Variants in MYO16 observed in about 807,000 individuals in gnomAD.
The protein encoded by MYO16 is myosin XVI.
A neutral mutation model predicts 205.3 loss-of-function variants in MYO16; 94 were observed. The observed-to-expected ratio is 0.46, with a 90% confidence interval of 0.39 to 0.54. The LOEUF (loss-of-function observed/expected upper bound fraction) is 0.54. Among genes scored for constraint, MYO16 ranks in the 20% least tolerant of loss-of-function variants. The probability of loss-of-function intolerance (pLI) is 0.00; values close to 1 mark genes in which losing one functional copy is unlikely to be tolerated. For synonymous variants in MYO16, 988 were observed against 954.0 expected (o/e 1.04, Z -0.66); for missense variants, 2,315 against 2,387.5 (o/e 0.97, Z 0.63).
intron 16 of MYO16, among the ~76,000 whole-genome samples, chr13:108,941,744 A>G (rs1477132474): frequency 6.6e-6 from 1 of 151,580 alleles, no homozygotes; most frequent in African/African-American, 2.4e-5. Context: ...GAAAATGGCT[A>G]TGGATGTCCA....
At chr13:109,170,502 CTTTAT>C (rs912220042) in intron 33 of MYO16, among the ~76,000 whole-genome samples, 1 of 151,194 alleles carries the variant, frequency 6.6e-6, no homozygotes, top group African/African-American at 2.4e-5. Context: ...TGTTCTATTT[CTTTAT>C]TTTATTTGTG....
At chr13:108,873,899 G>A (rs1190716118) in intron 12 of MYO16, among the ~76,000 whole-genome samples, 1 of 152,250 alleles carries the variant, frequency 6.6e-6, no homozygotes, top group Non-Finnish European at 1.5e-5. Context: ...AGGGGAGAAA[G>A]AGAAAATAGA....
At chr13:109,030,019 C>G (rs1387323965) in intron 23 of MYO16, among the ~76,000 whole-genome samples, 1 of 152,100 alleles carries the variant, frequency 6.6e-6, no homozygotes, top group Non-Finnish European at 1.5e-5. Flanking sequence ...GAGGCACATT[C>G]ATAAATTTCA....
intron 20 of MYO16, among the ~76,000 whole-genome samples, chr13:108,981,785 T>C (rs990257913): frequency 2.0e-5 from 3 of 152,260 alleles, no homozygotes; most frequent in Admixed American, 1.3e-4. Flanking sequence ...TCTAGAAACA[T>C]TGACTTGCTA....
At chr13:108,674,055 A>G (rs913388070) in intron 2 of MYO16, among the ~76,000 whole-genome samples, 1 of 152,168 alleles carries the variant, frequency 6.6e-6, no homozygotes, top group Non-Finnish European at 1.5e-5. Flanking sequence ...TATGTCGATG[A>G]TCAATATACA....
chr13:108,958,412 T>G (rs1207361631), intron 17 of MYO16, among the ~76,000 whole-genome samples: 1 of 151,988 alleles, frequency 6.6e-6, no homozygotes. Context: ...ACAATATAAA[T>G]GTTTTAATAT....
intron 3 of MYO16, among the ~76,000 whole-genome samples, chr13:108,718,374 C>A (rs1332643968): frequency 6.6e-6 from 1 of 152,028 alleles, no homozygotes; most frequent in African/African-American, 2.4e-5. Flanking sequence ...AGGGCAGACT[C>A]TAGCAAGAAC....
chr13:109,206,274 G>A (rs919596046), intron 34 of MYO16, among the ~76,000 whole-genome samples: 9 of 152,168 alleles, frequency 5.9e-5, no homozygotes, highest in African/African-American at 2.2e-4. Flanking sequence ...ATTAAATGAA[G>A]AGAAAGTACA....
chr13:109,076,351 A>G (rs1489205382), intron 27 of MYO16, among the ~76,000 whole-genome samples: 1 of 152,174 alleles, frequency 6.6e-6, no homozygotes, highest in Admixed American at 6.6e-5. Context: ...GATTAGTGAT[A>G]GGAAATCTTT....
At chr13:109,076,017 G>T (rs530337630) in intron 27 of MYO16, among the ~76,000 whole-genome samples, 155 of 152,270 alleles carry the variant, frequency 1.0e-3, no homozygotes, top group African/African-American at 3.7e-3. Flanking sequence ...TAGTTTCTGA[G>T]GAATTGGTCT....
chr13:108,922,009 T>C (rs1881765273), intron 16 of MYO16, among the ~76,000 whole-genome samples: 1 of 152,148 alleles, frequency 6.6e-6, no homozygotes, highest in Non-Finnish European at 1.5e-5. Flanking sequence ...AAAGTTATGA[T>C]TTGGAGTTAG....
At chr13:109,035,162 A>AT (rs34844662) in intron 23 of MYO16, among the ~76,000 whole-genome samples, 57,477 of 151,894 alleles carry the variant, frequency 0.38, 11,764 homozygotes, top group East Asian at 0.83. Context: ...ATAACCAGGG[A>AT]TTTTTGAAAA....
chr13:108,721,257 C>G (rs982711922), intron 3 of MYO16, among the ~76,000 whole-genome samples: 1 of 152,170 alleles, frequency 6.6e-6, no homozygotes, highest in Non-Finnish European at 1.5e-5. Context: ...TTGAGGAAGG[C>G]CTTGCTCTCT....
intron 14 of MYO16, among the ~76,000 whole-genome samples, chr13:108,897,775 T>C (rs988019250): frequency 5.9e-5 from 9 of 152,040 alleles, no homozygotes; most frequent in Non-Finnish European, 1.0e-4. Flanking sequence ...TGCAGGAGAG[T>C]GCAGTGTCGT....
chr13:108,675,894 A>G (rs1172758110), intron 2 of MYO16, among the ~76,000 whole-genome samples: 1 of 152,214 alleles, frequency 6.6e-6, no homozygotes, highest in Non-Finnish European at 1.5e-5. Context: ...GTCCCCGGCC[A>G]GGGCACTTTC....
chr13:108,613,644 G>T (rs1879252548), intron 1 of MYO16, among the ~76,000 whole-genome samples: 1 of 152,018 alleles, frequency 6.6e-6, no homozygotes, highest in Non-Finnish European at 1.5e-5. Flanking sequence ...CATATAGAAA[G>T]ATTTATTCAC....
chr13:108,869,731 TAAA>T (rs68025820), intron 12 of MYO16, among the ~76,000 whole-genome samples: 42 of 67,018 alleles, frequency 6.3e-4, no homozygotes, highest in East Asian at 1.1e-3. Context: ...ACTCCGTTTC[TAAA>T]AAAAAAAAAA....
intron 33 of MYO16, among the ~76,000 whole-genome samples, chr13:109,165,623 C>T (rs1031860580): frequency 6.6e-6 from 1 of 152,266 alleles, no homozygotes; most frequent in Admixed American, 6.5e-5. Context: ...CTGGGAAAAG[C>T]ATGTTTGTTT....
intron 8 of MYO16, among the ~76,000 whole-genome samples, chr13:108,821,232 CA>C (rs1451015562): frequency 1.3e-5 from 2 of 152,052 alleles, no homozygotes; most frequent in Non-Finnish European, 2.9e-5. Context: ...GATATACTTT[CA>C]GGAGTATGAA....
Sources: allele counts gnomAD v4.1 joint callset (sites outside exome capture counted in the v4.1 genomes callset), GRCh38; gene constraint gnomAD v4.1.1; transcripts MANE v1.5; gene names NCBI Gene and HGNC (gene_info 2026-07-23, HGNC 2026-07-21).